Variants in CAMTA1 observed in about 807,000 individuals in gnomAD.
The protein encoded by CAMTA1 is calmodulin-binding transcription activator 1.
Under a neutral mutation model 170.9 loss-of-function variants are expected in CAMTA1, and 27 were observed. The ratio of observed to expected loss-of-function variants is 0.16; its 90% CI spans 0.12 to 0.22. CAMTA1 has a LOEUF of 0.22. CAMTA1 is among the 10% of genes least tolerant of loss of function. The pLI is 1.00. For synonymous variants in CAMTA1, 833 were observed against 891.5 expected (o/e 0.93, Z 1.17); for missense variants, 1,619 against 2,217.2 (o/e 0.73, Z 5.42).
chr1:6,861,964 C>CTTTT (rs1328461176), intron 3 of CAMTA1, among the ~76,000 whole-genome samples: 1 of 140,174 alleles, frequency 7.1e-6, no homozygotes, highest in African/African-American at 2.6e-5. Context: ...TAGTATTTGT[C>CTTTT]TTTTTTTTTT....
intron 3 of CAMTA1, among the ~76,000 whole-genome samples, chr1:7,026,099 A>C (rs1052452556): frequency 6.6e-6 from 1 of 151,934 alleles, no homozygotes; most frequent in Non-Finnish European, 1.5e-5. Context: ...AAACCTGGGC[A>C]ACAGAGCGAG....
chr1:7,059,896 A>G (rs1707944476), intron 3 of CAMTA1, among the ~76,000 whole-genome samples: 1 of 152,154 alleles, frequency 6.6e-6, no homozygotes, highest in Non-Finnish European at 1.5e-5. Context: ...TGCTGTTATT[A>G]CCCTTGTTTA....
At chr1:7,148,285 C>T (rs1646357374) in intron 4 of CAMTA1, among the ~76,000 whole-genome samples, 2 of 151,904 alleles carry the variant, frequency 1.3e-5, no homozygotes, top group South Asian at 4.2e-4. Flanking sequence ...ACACCAAGCA[C>T]ATGCATACAC....
intron 3 of CAMTA1, among the ~76,000 whole-genome samples, chr1:6,851,101 C>T (rs372636568): frequency 6.6e-6 from 1 of 152,054 alleles, no homozygotes; most frequent in Non-Finnish European, 1.5e-5. Context: ...TTACTGAACG[C>T]CAAGAGAAAC....
At chr1:7,447,284 T>TACA (rs2092703540) in intron 5 of CAMTA1, among the ~76,000 whole-genome samples, 1 of 151,856 alleles carries the variant, frequency 6.6e-6, no homozygotes, top group Non-Finnish European at 1.5e-5. Context: ...AGAGTGACTC[T>TACA]ACAAGAAGGG....
chr1:7,453,202 G>A (rs1265752537), intron 5 of CAMTA1, among the ~76,000 whole-genome samples: 2 of 152,222 alleles, frequency 1.3e-5, no homozygotes, highest in East Asian at 1.9e-4. Flanking sequence ...CGTGTCCAGC[G>A]GCAGCCTGGG....
chr1:7,746,376 T>C (rs2096857184), intron 18 of CAMTA1, among the ~76,000 whole-genome samples: 1 of 152,258 alleles, frequency 6.6e-6, no homozygotes, highest in Non-Finnish European at 1.5e-5. Flanking sequence ...CACAGTGCTG[T>C]GCAACTGTCA....
Position 7,663,736 on chromosome 1 carries a change from G to C in CAMTA1, c.1189G>C (p.Ala397Pro), listed in dbSNP as rs143855619. 6.2e-7 allele frequency: 1 copy of C among 1,613,890 alleles called. No homozygotes were observed. Among genetic ancestry groups the C allele is most frequent in the African/African-American group, 1.3e-5 (1 of 75,016 alleles). Residue 397 changes from alanine to proline, a missense_variant, in exon 9 of 23, where the codon GCC becomes CCC. Ala to Pro is a conservative substitution (Grantham distance 27). This residue lies in a region of CAMTA1 where 731 missense variants were observed against 907.6 expected (regional missense o/e 0.81). Transcript: ENST00000303635. The stretch of plus-strand genomic sequence containing the variant: ...TGTGATGGGGAGCTTGTCCCAGAGC[G>C]CCACGGTGTTCATGTCAGAGGTCAC... ...ASVMGSLSQSATVFMSEVTNE... is the reference protein window; with the variant it reads ...ASVMGSLSQSPTVFMSEVTNE...
At chr1:7,639,805 G>A (rs1472177815) in intron 6 of CAMTA1, among the ~76,000 whole-genome samples, 2 of 152,062 alleles carry the variant, frequency 1.3e-5, no homozygotes, top group African/African-American at 2.4e-5. Context: ...TTGCAGGGCT[G>A]TTTGTCAGGG....
At chr1:7,133,067 A>G (rs1168458907) in intron 4 of CAMTA1, among the ~76,000 whole-genome samples, 1 of 152,148 alleles carries the variant, frequency 6.6e-6, no homozygotes, top group East Asian at 1.9e-4. Flanking sequence ...ATAACATCTT[A>G]GTCTGGTTTT....
At chr1:7,075,083 T>G (rs1211020459) in intron 3 of CAMTA1, among the ~76,000 whole-genome samples, 1 of 152,214 alleles carries the variant, frequency 6.6e-6, no homozygotes, top group African/African-American at 2.4e-5. Flanking sequence ...CCCTTCACAA[T>G]CTCTTTGTGG....
At chr1:7,111,761 T>TA (rs1644054659) in intron 4 of CAMTA1, among the ~76,000 whole-genome samples, 1 of 152,072 alleles carries the variant, frequency 6.6e-6, no homozygotes, top group Admixed American at 6.6e-5. Context: ...GGCACATGCC[T>TA]GTAGTCCCAG....
intron 4 of CAMTA1, among the ~76,000 whole-genome samples, chr1:7,190,982 G>T (rs1450280186): frequency 1.3e-5 from 2 of 152,148 alleles, no homozygotes; most frequent in Non-Finnish European, 2.9e-5. Flanking sequence ...CAGGTACACT[G>T]GTAATTTTTT....
At position 7,664,064 on chromosome 1, in the gene CAMTA1, A is replaced by G; in HGVS notation, c.1517A>G (p.Glu506Gly). Residue 506 changes from glutamate (E) to glycine (G), a missense_variant, in exon 9 of 23, where the codon GAG (glutamate) becomes GGG (glycine). By Grantham distance (98) the Glu-to-Gly change is moderately conservative (BLOSUM62 -2). This residue lies in a region of CAMTA1 where 731 missense variants were observed against 907.6 expected (regional missense o/e 0.81). Coordinates refer to ENST00000303635, the MANE Select transcript of CAMTA1 (RefSeq NM_015215.4). ...QTYGGGGLKAEMVSSNIRHSP... is the reference protein window; with the variant it reads ...QTYGGGGLKAGMVSSNIRHSP... Reference sequence around the variant, plus strand: ...TACGGGGGTGGAGGCCTGAAAGCCGAGATGGTCAGCTCCAACATCCGGCAC... The same window carrying G: ...TACGGGGGTGGAGGCCTGAAAGCCGGGATGGTCAGCTCCAACATCCGGCAC... The G allele has an allele frequency of 6.2e-7, 1 of 1,613,764 alleles. No homozygotes were observed. Among genetic ancestry groups the G allele is most frequent in the Non-Finnish European group, 8.5e-7 (1 of 1,180,042 alleles).
At chr1:6,809,462 A>C (rs1346465865) in intron 1 of CAMTA1, among the ~76,000 whole-genome samples, 1 of 152,030 alleles carries the variant, frequency 6.6e-6, no homozygotes, top group Non-Finnish European at 1.5e-5. Context: ...TCCAGAGGGC[A>C]AGGGAGGGAG....
At chr1:7,528,357 C>T (rs184918999) in intron 6 of CAMTA1, among the ~76,000 whole-genome samples, 1 of 151,982 alleles carries the variant, frequency 6.6e-6, no homozygotes, top group African/African-American at 2.4e-5. Flanking sequence ...TCAGAACAGA[C>T]AGGAATAATT....
Position 7,681,483 on chromosome 1 carries a change from A to T in CAMTA1, c.2914+3750A>T, listed in dbSNP as rs150720557. On this transcript the variant is annotated intron_variant, in intron 11 of 22. Transcript: ENST00000303635. This position sits in a 1 kb window ranked among gnomAD's most constrained non-coding sequence, Gnocchi z 4.6. ...CGTTTTCACCATTTCTCCTCCACCC[A>T]CAAAGGTGCGGATTCAGAACAAATT... Among the ~76,000 whole-genome samples, 426 of 152,264 alleles carry T rather than the reference A, an allele frequency of 2.8e-3. 3 individuals carry two copies. Among genetic ancestry groups the T allele is most frequent in the African/African-American group, 9.4e-3 (392 of 41,570 alleles).
chr1:7,613,483 G>T (rs2150700971), intron 6 of CAMTA1, among the ~76,000 whole-genome samples: 1 of 152,276 alleles, frequency 6.6e-6, no homozygotes, highest in Non-Finnish European at 1.5e-5. Flanking sequence ...GAGCCAGGCT[G>T]CAGGGAAAAG....
chr1:7,713,894 C>G (rs2096590028), intron 11 of CAMTA1, among the ~76,000 whole-genome samples: 1 of 152,206 alleles, frequency 6.6e-6, no homozygotes, highest in African/African-American at 2.4e-5. Flanking sequence ...TTTCTCTTAT[C>G]TGTATATTTC....
Sources: gnomAD v4.1 joint callset for allele counts (sites outside exome capture counted in the v4.1 genomes callset) on GRCh38, gnomAD v4.1.1 for gene constraint, gnomAD v4.1.1 regional missense constraint, Gnocchi (gnomAD v3.1) non-coding constraint, MANE v1.5 for transcripts, NCBI Gene and HGNC (gene_info 2026-07-23, HGNC 2026-07-21) for gene names.